The following SOX5 variants were observed in gnomAD, a reference collection of about 807,000 sequenced individuals.
The protein encoded by SOX5 is transcription factor SOX-5.
In SOX5, 9 loss-of-function variants were observed where a neutral mutation model predicts 92.0. That is an observed-to-expected ratio of 0.10 (90% CI 0.06 to 0.17). SOX5 has a LOEUF of 0.17. Among genes scored for constraint, SOX5 ranks in the 10% least tolerant of loss-of-function variants. SOX5 has a pLI of 1.00. For missense variants in SOX5, 642 were observed against 944.5 expected (o/e 0.68, Z 4.20); for synonymous variants, 344 against 336.3 (o/e 1.02, Z -0.25).
At position 24,092,135 on chromosome 12, in the gene SOX5, C is replaced by T. The variant is rs148682018; in HGVS notation, c.-2+121208G>A. ...TTTGAAGCCCATTTGACCTCAAGAA[C>T]ATCAGTTTTCATCTCACTCCTATTC... On this transcript the variant is annotated intron_variant, in intron 4 of 4. Transcript: ENST00000446891. Among the ~76,000 whole-genome samples the T allele has an allele frequency of 4.1e-3, 628 of 152,248 alleles. 3 individuals carry two copies. Among genetic ancestry groups the T allele is most frequent in the Non-Finnish European group, 6.8e-3 (465 of 68,008 alleles).
intron 3 of SOX5, among the ~76,000 whole-genome samples, chr12:23,758,309 C>G (rs1180519026): frequency 1.3e-5 from 2 of 149,850 alleles, no homozygotes; most frequent in African/African-American, 4.9e-5. Flanking sequence ...AGAGATGAAG[C>G]AGCACCAGCA....
rs117689706 is a variant in SOX5, at chr12:23,686,882, C to T, written c.811-21318G>A. Among the ~76,000 whole-genome samples the T allele has an allele frequency of 5.2e-3, 789 of 152,062 alleles. 5 individuals carry two copies. Among genetic ancestry groups the T allele is most frequent in the Non-Finnish European group, 7.5e-3 (508 of 67,934 alleles). On this transcript the variant is annotated intron_variant, in intron 6 of 14. Coordinates refer to ENST00000451604, the MANE Select transcript of SOX5 (RefSeq NM_006940.6). ...AAACATGGTTCACTACGTCCAGGTA[C>T]GTTTCCAATAGAACAAATTCCAGGG... is the stretch of plus-strand genomic sequence containing the variant.
chr12:24,449,388 T>C (rs1596775828), intron 1 of SOX5, among the ~76,000 whole-genome samples: 1 of 152,240 alleles, frequency 6.6e-6, no homozygotes, highest in African/African-American at 2.4e-5. Context: ...CTGAACTAAC[T>C]GTTCTCTCTG....
At chr12:23,899,166 T>C (rs759362070) in intron 1 of SOX5, among the ~76,000 whole-genome samples, 5 of 152,038 alleles carry the variant, frequency 3.3e-5, no homozygotes, top group Non-Finnish European at 5.9e-5. Context: ...TCTCAGCACT[T>C]TGGGAGGCTG....
Position 23,879,316 on chromosome 12 carries a change from G to C in SOX5, c.270+16477C>G, listed in dbSNP as rs144784462. Among the ~76,000 whole-genome samples the C allele has an allele frequency of 4.5e-3, 585 of 129,204 alleles. 6 individuals carry two copies. Among genetic ancestry groups the C allele is most frequent in the African/African-American group, 0.016 (560 of 35,176 alleles). 84.8% of individuals were successfully genotyped at this position (129,204 alleles called of 152,430 possible). ...TATTTTAATTAAAAGAGTTGCTAAT[G>C]TATCTAATCTGATGAAAAAAAAACT... is the stretch of plus-strand genomic sequence containing the variant. On this transcript the variant is annotated intron_variant, in intron 2 of 14. Transcript: ENST00000451604.
At chr12:23,944,768 T>C (rs1944269412) in intron 1 of SOX5, among the ~76,000 whole-genome samples, 2 of 152,172 alleles carry the variant, frequency 1.3e-5, no homozygotes, top group South Asian at 4.1e-4. Flanking sequence ...CCATTTCTTG[T>C]TCAAGAAAAT....
intron 4 of SOX5, among the ~76,000 whole-genome samples, chr12:24,087,238 C>T (rs540439303): frequency 6.6e-6 from 1 of 151,774 alleles, no homozygotes; most frequent in African/African-American, 2.4e-5. Flanking sequence ...ATTATTGTTC[C>T]AGGAATTGCC....
At chr12:23,927,837 G>C (rs538884203) in intron 1 of SOX5, among the ~76,000 whole-genome samples, 3 of 152,054 alleles carry the variant, frequency 2.0e-5, no homozygotes, top group African/African-American at 7.2e-5. Context: ...ATACCTTTCA[G>C]TGTGCTAATA....
At chr12:23,553,479 T>C (rs944834042) in intron 11 of SOX5, among the ~76,000 whole-genome samples, 2 of 152,032 alleles carry the variant, frequency 1.3e-5, no homozygotes, top group Non-Finnish European at 2.9e-5. Flanking sequence ...CAGTAAAATA[T>C]GGGCCCTTGC....
chr12:24,031,665 C>T (rs1955522959), intron 4 of SOX5, among the ~76,000 whole-genome samples: 1 of 151,646 alleles, frequency 6.6e-6, no homozygotes, highest in Admixed American at 6.6e-5. Flanking sequence ...TTTAATTTAG[C>T]ACTCTGTGTT....
At chr12:24,280,032 T>TC (rs1944971081) in intron 2 of SOX5, among the ~76,000 whole-genome samples, 1 of 152,130 alleles carries the variant, frequency 6.6e-6, no homozygotes, top group African/African-American at 2.4e-5. Flanking sequence ...TGTTTTTTTT[T>TC]CTCCCACTAG....
intron 1 of SOX5, among the ~76,000 whole-genome samples, chr12:24,540,224 T>C (rs1278359391): frequency 1.3e-5 from 2 of 152,170 alleles, no homozygotes; most frequent in Non-Finnish European, 2.9e-5. Flanking sequence ...TAATAAAATA[T>C]ACTGCTAATT....
intron 4 of SOX5, among the ~76,000 whole-genome samples, chr12:24,135,956 GT>G (rs1442334029): frequency 6.6e-6 from 1 of 152,138 alleles, no homozygotes; most frequent in South Asian, 2.1e-4. Context: ...ACCATTAAAG[GT>G]TTTTTTAAAC....
At chr12:24,386,100 T>A (rs1958383964) in intron 1 of SOX5, among the ~76,000 whole-genome samples, 1 of 152,244 alleles carries the variant, frequency 6.6e-6, no homozygotes, top group Admixed American at 6.5e-5. Context: ...CCTCAAATAA[T>A]ATTGTCTAGT....
At chr12:24,495,775 T>C (rs1003136578) in intron 1 of SOX5, among the ~76,000 whole-genome samples, 1 of 152,174 alleles carries the variant, frequency 6.6e-6, no homozygotes, top group African/African-American at 2.4e-5. Context: ...AGGTGTATAT[T>C]TGAGAATAAA....
intron 6 of SOX5, among the ~76,000 whole-genome samples, chr12:23,672,910 T>C (rs933208684): frequency 6.6e-6 from 1 of 152,158 alleles, no homozygotes; most frequent in Non-Finnish European, 1.5e-5. Flanking sequence ...TTTTCAAATC[T>C]GAAGCATCAT....
At chr12:24,394,686 G>A (rs759288377) in intron 1 of SOX5, among the ~76,000 whole-genome samples, 6 of 152,242 alleles carry the variant, frequency 3.9e-5, no homozygotes, top group South Asian at 2.1e-4. Context: ...TCTTTTGGGG[G>A]CACAGGTAGA....
chr12:23,878,914 T>A (rs2096957554), intron 2 of SOX5, among the ~76,000 whole-genome samples: 1 of 152,162 alleles, frequency 6.6e-6, no homozygotes, highest in Non-Finnish European at 1.5e-5. Flanking sequence ...TGTCTGTGTC[T>A]GCCTGCCCCT....
chr12:24,364,094 C>T (rs578161502), intron 2 of SOX5, among the ~76,000 whole-genome samples: 9 of 152,010 alleles, frequency 5.9e-5, no homozygotes, highest in Non-Finnish European at 1.0e-4. Context: ...AATCAGTGAC[C>T]GAAGCTTTCA....
Sources: allele counts gnomAD v4.1 joint callset (sites outside exome capture counted in the v4.1 genomes callset), GRCh38; gene constraint gnomAD v4.1.1; transcripts MANE v1.5; gene names NCBI Gene and HGNC (gene_info 2026-07-23, HGNC 2026-07-21).